The following DHX35 variants were observed in gnomAD, a reference collection of about 807,000 sequenced individuals.
DHX35 encodes probable ATP-dependent RNA helicase DHX35.
Under a neutral mutation model 99.6 loss-of-function variants are expected in DHX35, and 84 were observed. The ratio of observed to expected loss-of-function variants is 0.84; its 90% CI spans 0.71 to 1.01. The LOEUF (loss-of-function observed/expected upper bound fraction) is 1.01. Ranked by LOEUF, DHX35 falls within the 50% of genes least tolerant of loss-of-function variation. The pLI is 0.00. For synonymous variants in DHX35, 331 were observed against 316.2 expected (o/e 1.05, Z -0.50); for missense variants, 852 against 888.5 (o/e 0.96, Z 0.52).
intron 3 of DHX35, among the ~76,000 whole-genome samples, chr20:38,979,020 C>T (rs1175118932): frequency 6.6e-6 from 1 of 152,112 alleles, no homozygotes; most frequent in East Asian, 1.9e-4. Context: ...GGATTTACTT[C>T]TGGATTTTCT....
intron 1 of DHX35, among the ~76,000 whole-genome samples, chr20:38,968,588 C>A (rs2085944641): frequency 6.6e-6 from 1 of 152,082 alleles, no homozygotes; most frequent in Admixed American, 6.5e-5. Context: ...TGCTCTGTCG[C>A]CCAGGCTGGA....
intron 8 of DHX35, among the ~76,000 whole-genome samples, chr20:38,996,952 A>AC (rs2086438944): frequency 6.6e-6 from 1 of 150,654 alleles, no homozygotes; most frequent in Non-Finnish European, 1.5e-5. Flanking sequence ...TCTCTTTTTC[A>AC]CCCCCCACCT....
chr20:38,982,172 T>G (rs537431957), intron 3 of DHX35, among the ~76,000 whole-genome samples: 18 of 134,162 alleles, frequency 1.3e-4, no homozygotes, highest in African/African-American at 5.0e-4. Context: ...AGGGCTCTTT[T>G]GAGCCTTTCT....
Position 38,983,753 on chromosome 20 carries a change from C to G in DHX35, c.322C>G (p.Pro108Ala), listed in dbSNP as rs1340064780. The G allele has an allele frequency of 5.6e-6, 9 of 1,613,862 alleles. No homozygotes were observed. Among genetic ancestry groups the G allele is most frequent in the Non-Finnish European group, 7.6e-6 (9 of 1,179,942 alleles). Residue 108 changes from proline to alanine, a missense_variant, in exon 4 of 22, where the codon CCT becomes GCT. Physicochemically the swap from Pro to Ala is conservative, Grantham distance 27. Coordinates refer to ENST00000252011, the MANE Select transcript of DHX35 (RefSeq NM_021931.4). ...AEGRVVGVTQ[P>A]RRVAAVTVAG... ...AGGAAGAGTGGTAGGAGTGACCCAG[C>G]CTCGAAGAGTGGCTGCTGTTACAGT...
intron 7 of DHX35, among the ~76,000 whole-genome samples, chr20:38,994,575 A>G (rs576767059): frequency 2.6e-5 from 4 of 152,224 alleles, no homozygotes; most frequent in Admixed American, 6.5e-5. Flanking sequence ...ATAATTTAAA[A>G]AAATTTACTT....
chr20:39,014,650 T>C (rs573256903), intron 13 of DHX35, among the ~76,000 whole-genome samples: 134 of 152,092 alleles, frequency 8.8e-4, no homozygotes, highest in African/African-American at 2.9e-3. Flanking sequence ...GAGGGAGCAC[T>C]TCAAAGGGAA....
intron 20 of DHX35, 30 bp from the exon 21 acceptor site, chr20:39,034,175 GA>G (rs1568765470): frequency 6.5e-7 from 1 of 1,532,406 alleles, no homozygotes. Context: ...ACAAGAGGGG[GA>G]AATTAGCTCA....
intron 9 of DHX35, among the ~76,000 whole-genome samples, chr20:39,002,283 G>A (rs1018389578): frequency 6.6e-6 from 1 of 152,206 alleles, no homozygotes; most frequent in Non-Finnish European, 1.5e-5. Flanking sequence ...TCCTGTACTA[G>A]TCACTGGACA....
intron 1 of DHX35, among the ~76,000 whole-genome samples, chr20:38,967,889 C>T (rs1003551513): frequency 3.9e-5 from 6 of 152,180 alleles, no homozygotes; most frequent in Non-Finnish European, 8.8e-5. Context: ...TGGACCTAAG[C>T]TGGGAGAAGT....
Position 38,983,706 on chromosome 20 carries a change from C to T in DHX35, c.275C>T (p.Ala92Val). ...GKSTQIPQYLAEAGWTAEGRV... is the reference protein window; with the variant it reads ...GKSTQIPQYLVEAGWTAEGRV... ...ATGTGATTTTGTTTGTAGTACCTTG[C>T]AGAAGCCGGCTGGACAGCTGAAGGA... The change falls in exon 4 of 22, where the codon GCA becomes GTA. Residue 92 changes from alanine to valine, a missense_variant. Coordinates refer to ENST00000252011, the MANE Select transcript of DHX35 (RefSeq NM_021931.4). 1.9e-6 allele frequency: 3 copies of T among 1,613,954 alleles called. No homozygotes were observed. The highest frequency in any genetic ancestry group is 2.5e-6 in the Non-Finnish European group (3 of 1,179,892).
At position 39,030,689 on chromosome 20, in the gene DHX35, C is replaced by A. The variant is rs780607387; in HGVS notation, c.1884-15C>A. Reference sequence around the variant, plus strand: ...TTTAAAATGTGCTTCAGACAAAATTCTTCTATGTTCCAAGGACCATCCGTG... The same window carrying A: ...TTTAAAATGTGCTTCAGACAAAATTATTCTATGTTCCAAGGACCATCCGTG... On this transcript the variant is annotated splice_polypyrimidine_tract_variant and intron_variant, in intron 19 of 21. Transcript: ENST00000252011. 6.2e-6 allele frequency: 10 copies of A among 1,613,276 alleles called. 1 individual carries two copies. In the South Asian group the frequency reaches 1.1e-4, roughly 18 times the overall value.
In DHX35 at chr20:39,018,699, A is replaced by T. The variant is rs918468914; in HGVS notation, c.1403-105A>T. The T allele has an allele frequency of 1.3e-5, 14 of 1,108,406 alleles. No homozygotes were observed. In the African/African-American group the frequency reaches 2.2e-4, roughly 17 times the overall value. The allele number at this position is 1,108,406 out of a possible 1,614,324, so 68.7% of individuals were successfully genotyped here. On this transcript the variant is annotated intron_variant, in intron 14 of 21. Coordinates refer to ENST00000252011, the MANE Select transcript of DHX35 (RefSeq NM_021931.4). ...GTAGTGCATGAATCATCTTTTGGAT[A>T]CTTTCTTCTTTTTAGCATACATTAT...
At chr20:39,032,613 A>G (rs1265199847) in intron 20 of DHX35, among the ~76,000 whole-genome samples, 1 of 152,202 alleles carries the variant, frequency 6.6e-6, no homozygotes, top group Non-Finnish European at 1.5e-5. Context: ...TCTGTGGTCA[A>G]ACACTTTGTA....
chr20:38,987,074 A>G (rs2086261331), intron 4 of DHX35, among the ~76,000 whole-genome samples: 1 of 152,172 alleles, frequency 6.6e-6, no homozygotes, highest in East Asian at 1.9e-4. Context: ...GGACTTGGGA[A>G]CTGCGTGGGT....
At chr20:38,980,511 G>GTTTTTTTTTTTTTTTTTTTT (rs397953645) in intron 3 of DHX35, among the ~76,000 whole-genome samples, 1 of 136,994 alleles carries the variant, frequency 7.3e-6, no homozygotes, top group Non-Finnish European at 1.6e-5. Flanking sequence ...TTATAGTTCT[G>GTTTTTTTTTTTTTTTTTTTT]TTTTTTTTTT....
intron 4 of DHX35, among the ~76,000 whole-genome samples, chr20:38,987,336 G>T (rs1477561558): frequency 2.6e-5 from 4 of 152,126 alleles, no homozygotes; most frequent in South Asian, 2.1e-4. Flanking sequence ...ACCTCCCCGG[G>T]TTCAAGTGAT....
At chr20:38,997,944 C>A (rs1053366255) in intron 8 of DHX35, among the ~76,000 whole-genome samples, 2 of 152,134 alleles carry the variant, frequency 1.3e-5, no homozygotes, top group South Asian at 4.1e-4. Flanking sequence ...TAATTTCAAA[C>A]CTCCTAGAGC....
rs12625286 is a variant in DHX35 at position 38,976,649 on chromosome 20, G to A, written c.267+3998G>A. Among the ~76,000 whole-genome samples, 135 of 152,136 alleles carry A rather than the reference G, an allele frequency of 8.9e-4. 1 individual carries two copies. The East Asian group carries it at 0.018, about 20-fold the overall frequency. On this transcript the variant is annotated intron_variant, in intron 3 of 21. Coordinates refer to ENST00000252011, the MANE Select transcript of DHX35 (RefSeq NM_021931.4). ...ATTTTGAAGTCTATGGCACATTATT[G>A]TTAACTATAGTCACTCTGCTGTGCA...
At chr20:39,015,511 T>C (rs2086771118) in intron 14 of DHX35, among the ~76,000 whole-genome samples, 1 of 113,158 alleles carries the variant, frequency 8.8e-6, no homozygotes, top group African/African-American at 3.4e-5. Flanking sequence ...TTAATAGCGT[T>C]TATCTTGACA....
Sources: allele counts gnomAD v4.1 joint callset (sites outside exome capture counted in the v4.1 genomes callset), GRCh38; gene constraint gnomAD v4.1.1; transcripts MANE v1.5; gene names NCBI Gene and HGNC (gene_info 2026-07-23, HGNC 2026-07-21).